Variants in SAMSN1 observed in about 807,000 individuals in gnomAD.
SAMSN1 encodes the protein SAM domain-containing protein SAMSN-1.
Under a neutral mutation model 42.0 loss-of-function variants are expected in SAMSN1, and 31 were observed. The observed-to-expected ratio is 0.74, with a 90% CI of 0.55 to 1.00. The LOEUF (loss-of-function observed/expected upper bound fraction) is 1.00, where lower values mean the gene tolerates loss of function less well. Ranked by LOEUF, SAMSN1 falls within the 50% of genes least tolerant of loss-of-function variation. The pLI, the probability that SAMSN1 is intolerant of heterozygous loss-of-function variation, is 0.00. For missense variants in SAMSN1, 464 were observed against 439.4 expected (o/e 1.06, Z -0.50); for synonymous variants, 178 against 151.9 (o/e 1.17, Z -1.26).
intron 7 of SAMSN1, among the ~76,000 whole-genome samples, chr21:14,589,169 T>G (rs1268247896): frequency 6.6e-6 from 1 of 152,164 alleles, no homozygotes; most frequent in Non-Finnish European, 1.5e-5. Flanking sequence ...AATGAATTAT[T>G]GAACTGGATT....
chr21:14,566,692 C>T (rs556902812), intron 2 of SAMSN1, among the ~76,000 whole-genome samples: 11 of 152,094 alleles, frequency 7.2e-5, no homozygotes, highest in Admixed American at 2.6e-4. Flanking sequence ...TGTGCACCAA[C>T]ATGCCTTGCT....
intron 2 of SAMSN1, among the ~76,000 whole-genome samples, chr21:14,563,139 T>A (rs962989188): frequency 6.6e-6 from 1 of 152,182 alleles, no homozygotes; most frequent in South Asian, 2.1e-4. Context: ...GCTAAAGCAT[T>A]CTGATTCATA....
chr21:14,496,547 A>AG (rs1310952320), intron 7 of SAMSN1: 1 of 152,270 alleles, frequency 6.6e-6, no homozygotes, highest in Non-Finnish European at 1.5e-5. Context: ...TCTACTTCTA[A>AG]GCCAAACATT....
intron 1 of SAMSN1, among the ~76,000 whole-genome samples, chr21:14,643,977 G>A (rs940335564): frequency 2.0e-5 from 3 of 152,130 alleles, no homozygotes; most frequent in Non-Finnish European, 2.9e-5. Context: ...GCATTTAAAC[G>A]AGCCCTGGCC....
At chr21:14,560,433 A>C (rs1980907549) in intron 2 of SAMSN1, among the ~76,000 whole-genome samples, 1 of 152,148 alleles carries the variant, frequency 6.6e-6, no homozygotes, top group South Asian at 2.1e-4. Flanking sequence ...GGAAGAATTT[A>C]GTATATAGTT....
In SAMSN1 at chr21:14,616,035, T is replaced by C. The variant is rs553725546; in HGVS notation, c.157-19A>G. The C allele has an allele frequency of 5.2e-4, 305 of 585,794 alleles. 1 individual carries two copies. Among genetic ancestry groups the C allele is most frequent in the South Asian group, 2.5e-3 (112 of 43,932 alleles). The allele number at this position is 585,794 out of a possible 1,614,324, so 36.3% of individuals were successfully genotyped here. On this transcript the variant is annotated intron_variant, in intron 2 of 15. Transcript: ENST00000647101. ...AAACTCCCTGTAAAATAAAATAAAATGAATAAAATAAAATAAATAACATAA... is the reference window on the plus strand; with the variant it reads ...AAACTCCCTGTAAAATAAAATAAAACGAATAAAATAAAATAAATAACATAA...
At chr21:14,488,409 C>G (rs575163048) in intron 7 of SAMSN1, among the ~76,000 whole-genome samples, 4 of 152,136 alleles carry the variant, frequency 2.6e-5, no homozygotes, top group African/African-American at 4.8e-5. Context: ...TTGTGGGGCT[C>G]TCTTCAGGAT....
chr21:14,627,425 G>C (rs1218377072), intron 2 of SAMSN1, among the ~76,000 whole-genome samples: 1 of 152,074 alleles, frequency 6.6e-6, no homozygotes, highest in Non-Finnish European at 1.5e-5. Context: ...TAGACTCCTG[G>C]AAAACAAAAG....
At chr21:14,593,409 C>T (rs1446649205) in intron 7 of SAMSN1, among the ~76,000 whole-genome samples, 2 of 152,006 alleles carry the variant, frequency 1.3e-5, no homozygotes, top group African/African-American at 2.4e-5. Flanking sequence ...ATGTGAATAT[C>T]CTGGAAATTT....
intron 2 of SAMSN1, among the ~76,000 whole-genome samples, chr21:14,573,421 G>A (rs1981363063): frequency 6.6e-6 from 1 of 152,162 alleles, no homozygotes; most frequent in Admixed American, 6.6e-5. Flanking sequence ...GAATTCATAT[G>A]CATACTTGCT....
chr21:14,653,011 C>T (rs1194118415), intron 1 of SAMSN1, among the ~76,000 whole-genome samples: 1 of 151,942 alleles, frequency 6.6e-6, no homozygotes, highest in South Asian at 2.1e-4. Flanking sequence ...GTTAAAAATG[C>T]CTTATATCCA....
intron 1 of SAMSN1, among the ~76,000 whole-genome samples, chr21:14,528,176 A>T (rs1979001916): frequency 6.6e-6 from 1 of 152,126 alleles, no homozygotes; most frequent in Non-Finnish European, 1.5e-5. Context: ...GAACTGCTCA[A>T]TTTGTTTTCC....
intron 2 of SAMSN1, among the ~76,000 whole-genome samples, chr21:14,618,425 C>T (rs985987536): frequency 1.3e-5 from 2 of 152,138 alleles, no homozygotes; most frequent in Admixed American, 6.5e-5. Flanking sequence ...GGTCTATTCC[C>T]TCGGTGTTGC....
At chr21:14,512,342 A>G (rs1274993844) in intron 4 of SAMSN1, 102 bp downstream of exon 4, 30 of 1,201,036 alleles carry the variant, frequency 2.5e-5, no homozygotes, top group Non-Finnish European at 3.5e-5. Context: ...CATTTCTCTT[A>G]TCAAGTAGCT....
chr21:14,492,583 A>C (rs553998337), intron 7 of SAMSN1, among the ~76,000 whole-genome samples: 4 of 152,216 alleles, frequency 2.6e-5, no homozygotes, highest in Non-Finnish European at 5.9e-5. Flanking sequence ...CAATATAAAC[A>C]CAGGTACAGG....
At chr21:14,506,271 T>C (rs1987397123) in intron 5 of SAMSN1, among the ~76,000 whole-genome samples, 1 of 151,720 alleles carries the variant, frequency 6.6e-6, no homozygotes, top group African/African-American at 2.4e-5. Flanking sequence ...GAAAGATAAA[T>C]GAAACAAAAA....
At chr21:14,489,211 A>G (rs1258975059) in intron 7 of SAMSN1, among the ~76,000 whole-genome samples, 1 of 152,174 alleles carries the variant, frequency 6.6e-6, no homozygotes, top group Admixed American at 6.5e-5. Flanking sequence ...CCATGGTTCA[A>G]TCATCTGGGC....
At chr21:14,647,696 C>T (rs1983744858) in intron 1 of SAMSN1, among the ~76,000 whole-genome samples, 1 of 136,130 alleles carries the variant, frequency 7.3e-6, no homozygotes, top group East Asian at 2.2e-4. Flanking sequence ...TGAAGAGGTC[C>T]TTCACATCCC....
At chr21:14,577,565 A>G (rs1271436165) in intron 2 of SAMSN1, among the ~76,000 whole-genome samples, 3 of 151,858 alleles carry the variant, frequency 2.0e-5, no homozygotes, top group African/African-American at 7.3e-5. Flanking sequence ...TCTTACCCTC[A>G]TTCCCTACCA....
Sources: gnomAD v4.1 joint callset for allele counts (sites outside exome capture counted in the v4.1 genomes callset) on GRCh38, gnomAD v4.1.1 for gene constraint, MANE v1.5 for transcripts, NCBI Gene and HGNC (gene_info 2026-07-23, HGNC 2026-07-21) for gene names.